The following KIAA1958 variants were observed in gnomAD, a reference collection of about 807,000 sequenced individuals.
KIAA1958 encodes uncharacterized protein KIAA1958.
KIAA1958 carries 14 observed loss-of-function variants against 47.2 expected under a neutral mutation model. The observed-to-expected ratio is 0.30, with a 90% CI of 0.20 to 0.46. The LOEUF is 0.46. KIAA1958 is among the 20% of genes least tolerant of loss of function. The pLI is 1.00. For missense variants in KIAA1958, 803 were observed against 909.2 expected, an observed-to-expected ratio of 0.88 and a Z score of 1.50; for synonymous variants, 354 against 353.3, an observed-to-expected ratio of 1.00 and a Z score of -0.02.
rs1164209543 is a variant in KIAA1958, at chr9:112,665,279, A to T, written c.*5210A>T. Reference sequence around the variant, plus strand: ...TTGTTACATCTACTGATTTTTTCAAATAAAAATTTCTAGAAGGCTCAGATT... The same window carrying T: ...TTGTTACATCTACTGATTTTTTCAATTAAAAATTTCTAGAAGGCTCAGATT... On this transcript the variant is annotated 3_prime_UTR_variant, in exon 4 of 4. Transcript: ENST00000337530. 1.3e-5 allele frequency: 2 copies of T among 152,172 alleles called. No homozygotes were observed. The highest frequency in any genetic ancestry group is 1.3e-4 in the Admixed American group (2 of 15,270). 9.4% of individuals were successfully genotyped at this position (152,172 alleles called of 1,614,324 possible). A position where few individuals can be genotyped will look rare whatever the true frequency, so the allele number is the denominator to read the frequency against.
chr9:112,604,380 C>T (rs755647070), intron 2 of KIAA1958, among the ~76,000 whole-genome samples: 5 of 152,180 alleles, frequency 3.3e-5, no homozygotes, highest in Non-Finnish European at 7.3e-5. Flanking sequence ...TTCGATCTGT[C>T]GGCTACATTT....
At chr9:112,636,834 T>C (rs1399113877) in intron 2 of KIAA1958, among the ~76,000 whole-genome samples, 1 of 152,176 alleles carries the variant, frequency 6.6e-6, no homozygotes, top group Non-Finnish European at 1.5e-5. Context: ...CTGACAACAT[T>C]TATCTTTTAA....
chr9:112,543,220 G>GTTC, intron 1 of KIAA1958, among the ~76,000 whole-genome samples: 1 of 78,178 alleles, frequency 1.3e-5, no homozygotes, highest in African/African-American at 4.8e-5. Flanking sequence ...ATTTGTTTTT[G>GTTC]TTGTTGTTGT....
chr9:112,547,803 G>C (rs1048818393), intron 1 of KIAA1958, among the ~76,000 whole-genome samples: 2 of 151,964 alleles, frequency 1.3e-5, no homozygotes, highest in Non-Finnish European at 2.9e-5. Context: ...ACAGTCTCTG[G>C]CACCTTTTTA....
At chr9:112,529,768 A>G (rs898785422) in intron 1 of KIAA1958, among the ~76,000 whole-genome samples, 1 of 152,030 alleles carries the variant, frequency 6.6e-6, no homozygotes, top group African/African-American at 2.4e-5. Context: ...TCTTTTCCCT[A>G]CCTAATTTAC....
intron 2 of KIAA1958, among the ~76,000 whole-genome samples, chr9:112,586,134 T>A (rs1229107970): frequency 6.6e-6 from 1 of 152,234 alleles, no homozygotes; most frequent in Non-Finnish European, 1.5e-5. Context: ...GTGAATGATT[T>A]TGTAAGAATA....
Position 112,660,297 on chromosome 9 carries a change from G to A in KIAA1958, c.*228G>A, listed in dbSNP as rs563092934. On this transcript the variant is annotated 3_prime_UTR_variant, in exon 4 of 4. Coordinates refer to ENST00000337530, the MANE Select transcript of KIAA1958 (RefSeq NM_133465.4). ...ATCCAAATGTGCGTCAACTTCGTTA[G>A]CTTTTAGAATCTAACACAATGTATA... 56 of 562,408 alleles carry A rather than the reference G, an allele frequency of 1.0e-4. No individual in the cohort carries two copies. The highest frequency in any genetic ancestry group is 1.2e-4 in the Non-Finnish European group (37 of 314,498). The allele number at this position is 562,408 out of a possible 1,614,324, so 34.8% of individuals were successfully genotyped here.
intron 1 of KIAA1958, among the ~76,000 whole-genome samples, chr9:112,565,756 A>C (rs2131164129): frequency 6.6e-6 from 1 of 152,332 alleles, no homozygotes; most frequent in East Asian, 1.9e-4. Context: ...ACTAGTCAAC[A>C]TGGTTGCCAG....
At chr9:112,632,624 A>G (rs976899019) in intron 2 of KIAA1958, among the ~76,000 whole-genome samples, 2 of 151,950 alleles carry the variant, frequency 1.3e-5, no homozygotes, top group African/African-American at 2.4e-5. Flanking sequence ...TGTTATTTGT[A>G]TTTGTTCTGT....
chr9:112,587,204 C>CA (rs1412880284), intron 2 of KIAA1958, among the ~76,000 whole-genome samples: 7 of 152,100 alleles, frequency 4.6e-5, no homozygotes, highest in Admixed American at 2.0e-4. Flanking sequence ...GACTGGAGTG[C>CA]AGTGGCGCGA....
intron 1 of KIAA1958, among the ~76,000 whole-genome samples, chr9:112,549,893 A>G (rs1218230263): frequency 3.3e-5 from 5 of 152,238 alleles, no homozygotes; most frequent in African/African-American, 7.2e-5. Context: ...ATAATTATCT[A>G]GCTCACAAAG....
At chr9:112,598,783 T>A (rs1056340915) in intron 2 of KIAA1958, among the ~76,000 whole-genome samples, 8 of 152,132 alleles carry the variant, frequency 5.3e-5, no homozygotes, top group Admixed American at 5.2e-4. Flanking sequence ...AAGAGTACTA[T>A]TTTTAGGCCA....
chr9:112,568,889 A>G (rs1456056742), intron 1 of KIAA1958, among the ~76,000 whole-genome samples: 1 of 1,142 alleles, frequency 8.8e-4, no homozygotes, highest in African/African-American at 5.4e-3. Context: ...CCTTGTCTCA[A>G]AAAAAAAAAA....
chr9:112,643,828 G>T (rs1836932350), intron 2 of KIAA1958, among the ~76,000 whole-genome samples: 1 of 152,030 alleles, frequency 6.6e-6, no homozygotes, highest in African/African-American at 2.4e-5. Context: ...GTGAGGAAAG[G>T]TTATGTAAAA....
chr9:112,530,997 C>T (rs1762805886), intron 1 of KIAA1958, among the ~76,000 whole-genome samples: 1 of 152,166 alleles, frequency 6.6e-6, no homozygotes, highest in South Asian at 2.1e-4. Flanking sequence ...TGAGTTACAG[C>T]TGATGAAATG....
chr9:112,623,398 A>G (rs1260426327), intron 2 of KIAA1958, among the ~76,000 whole-genome samples: 1 of 152,250 alleles, frequency 6.6e-6, no homozygotes, highest in African/African-American at 2.4e-5. Context: ...GAGCATCCGT[A>G]TCTGAAATTA....
chr9:112,609,301 G>A (rs1836285189), intron 2 of KIAA1958, among the ~76,000 whole-genome samples: 1 of 152,126 alleles, frequency 6.6e-6, no homozygotes, highest in Non-Finnish European at 1.5e-5. Flanking sequence ...TGGAGCTATA[G>A]GGCACACTAC....
intron 1 of KIAA1958, among the ~76,000 whole-genome samples, chr9:112,520,059 A>G (rs192648725): frequency 6.6e-6 from 1 of 152,290 alleles, no homozygotes; most frequent in East Asian, 1.9e-4. Context: ...TGTATGGGAA[A>G]ATGGCAAAGT....
intron 2 of KIAA1958, among the ~76,000 whole-genome samples, chr9:112,625,654 A>T (rs1361273771): frequency 6.6e-6 from 1 of 152,166 alleles, no homozygotes; most frequent in African/African-American, 2.4e-5. Context: ...TCCAAATTTT[A>T]ATTGTTTTTA....
Sources: gnomAD v4.1 joint callset for allele counts (sites outside exome capture counted in the v4.1 genomes callset) on GRCh38, gnomAD v4.1.1 for gene constraint, MANE v1.5 for transcripts, NCBI Gene and HGNC (gene_info 2026-07-23, HGNC 2026-07-21) for gene names.